ADAMTS3: variants seen among roughly 807,000 people sequenced by gnomAD.
The protein encoded by ADAMTS3 is ADAM metallopeptidase with thrombospondin type 1 motif 3.
In ADAMTS3, 73 loss-of-function variants were observed where a neutral mutation model predicts 129.0. That is an observed-to-expected ratio of 0.57 (90% CI 0.47 to 0.69). The LOEUF (loss-of-function observed/expected upper bound fraction) is 0.69, where lower values mean the gene tolerates loss of function less well. Among genes scored for constraint, ADAMTS3 ranks in the 30% least tolerant of loss-of-function variants. ADAMTS3 has a pLI of 0.00. For missense variants in ADAMTS3, 1,457 were observed against 1,514.5 expected (o/e 0.96, Z 0.63); for synonymous variants, 477 against 510.8 (o/e 0.93, Z 0.89).
At chr4:72,341,211 A>G (rs1214466962) in intron 4 of ADAMTS3, among the ~76,000 whole-genome samples, 1 of 152,178 alleles carries the variant, frequency 6.6e-6, no homozygotes, top group Non-Finnish European at 1.5e-5. Context: ...CCTTTAAAAA[A>G]TATATAGAAA....
intron 3 of ADAMTS3, among the ~76,000 whole-genome samples, chr4:72,481,168 T>C (rs1719425935): frequency 6.6e-6 from 1 of 152,084 alleles, no homozygotes; most frequent in Admixed American, 6.5e-5. Context: ...CTATCAAAAC[T>C]CAAGCAATAT....
At chr4:72,389,539 A>G (rs920130021) in intron 4 of ADAMTS3, among the ~76,000 whole-genome samples, 3 of 151,240 alleles carry the variant, frequency 2.0e-5, no homozygotes, top group Non-Finnish European at 2.9e-5. Context: ...CAAAAAAAAA[A>G]AATCATACAA....
intron 15 of ADAMTS3, among the ~76,000 whole-genome samples, chr4:72,306,698 A>G (rs72862314): frequency 0.067 from 10,226 of 151,958 alleles, 1,184 homozygotes; most frequent in African/African-American, 0.23. Context: ...ATTTTAAACC[A>G]CTTAGTTGGA....
intron 3 of ADAMTS3, among the ~76,000 whole-genome samples, chr4:72,444,016 T>A (rs891744771): frequency 1.3e-5 from 2 of 151,734 alleles, no homozygotes; most frequent in South Asian, 4.1e-4. Context: ...ATTGTTTTTA[T>A]CATCATATGC....
At chr4:72,562,444 C>T (rs1392011599) in intron 2 of ADAMTS3, among the ~76,000 whole-genome samples, 1 of 152,028 alleles carries the variant, frequency 6.6e-6, no homozygotes, top group African/African-American at 2.4e-5. Flanking sequence ...CATTCACTAT[C>T]ATGGGAAAAT....
At chr4:72,539,371 T>C (rs1273944257) in intron 3 of ADAMTS3, among the ~76,000 whole-genome samples, 3 of 147,992 alleles carry the variant, frequency 2.0e-5, no homozygotes, top group African/African-American at 7.5e-5. Flanking sequence ...CCAAAGAAAA[T>C]ATACAAGTGG....
At chr4:72,486,495 A>C (rs2110010956) in intron 3 of ADAMTS3, among the ~76,000 whole-genome samples, 1 of 152,314 alleles carries the variant, frequency 6.6e-6, no homozygotes, top group Admixed American at 6.5e-5. Context: ...CTAGCCCTCC[A>C]TCAGGCCTCT....
chr4:72,549,604 G>C (rs1262928718), intron 2 of ADAMTS3, among the ~76,000 whole-genome samples: 2 of 151,986 alleles, frequency 1.3e-5, no homozygotes, highest in East Asian at 1.9e-4. Flanking sequence ...TAGAAGAATG[G>C]GTAAAGAAGA....
chr4:72,358,156 C>G (rs112510943), intron 4 of ADAMTS3, among the ~76,000 whole-genome samples: 1 of 151,912 alleles, frequency 6.6e-6, no homozygotes, highest in Non-Finnish European at 1.5e-5. Flanking sequence ...GCCAAAGATG[C>G]CTATGAGATC....
intron 3 of ADAMTS3, among the ~76,000 whole-genome samples, chr4:72,509,846 C>T (rs1720266861): frequency 6.6e-6 from 1 of 151,224 alleles, no homozygotes; most frequent in Non-Finnish European, 1.5e-5. Context: ...CTGATGGATA[C>T]TGACACAAAA....
At chr4:72,295,153 T>C (rs888198285) in intron 19 of ADAMTS3, among the ~76,000 whole-genome samples, 1 of 152,038 alleles carries the variant, frequency 6.6e-6, no homozygotes, top group Non-Finnish European at 1.5e-5. Flanking sequence ...ACCATAATAA[T>C]CAATGCATGC....
intron 3 of ADAMTS3, among the ~76,000 whole-genome samples, chr4:72,544,676 C>A (rs1255607094): frequency 2.0e-5 from 3 of 152,088 alleles, no homozygotes; most frequent in Non-Finnish European, 4.4e-5. Context: ...CAGATGTGCT[C>A]AAGCAATATT....
intron 9 of ADAMTS3, 57 bp from the exon 10 acceptor site, chr4:72,318,761 T>C: frequency 6.5e-7 from 1 of 1,545,578 alleles, no homozygotes; most frequent in Non-Finnish European, 8.8e-7. Flanking sequence ...AATCATGTCC[T>C]GATTTAAAAA....
intron 3 of ADAMTS3, among the ~76,000 whole-genome samples, chr4:72,509,542 T>C (rs13104105): frequency 0.24 from 35,739 of 151,814 alleles, 4,788 homozygotes; most frequent in East Asian, 0.44. Context: ...CCTAGATACA[T>C]ACAACCTACC....
chr4:72,473,039 A>C (rs1719121464), intron 3 of ADAMTS3, among the ~76,000 whole-genome samples: 1 of 152,214 alleles, frequency 6.6e-6, no homozygotes, highest in Non-Finnish European at 1.5e-5. Flanking sequence ...AATTAAAAAT[A>C]AAAAATTAAT....
intron 4 of ADAMTS3, among the ~76,000 whole-genome samples, chr4:72,360,653 C>T (rs1720699008): frequency 1.3e-5 from 2 of 152,012 alleles, no homozygotes. Context: ...CGAAAAGGTA[C>T]TGCAACATAT....
intron 3 of ADAMTS3, among the ~76,000 whole-genome samples, chr4:72,421,951 T>C (rs2109934625): frequency 6.6e-6 from 1 of 152,308 alleles, no homozygotes; most frequent in Admixed American, 6.5e-5. Flanking sequence ...AGAATGCCCA[T>C]TTAGGTAGTC....
At chr4:72,323,367 G>A (rs116618193) in intron 5 of ADAMTS3, among the ~76,000 whole-genome samples, 1 of 152,184 alleles carries the variant, frequency 6.6e-6, no homozygotes, top group African/African-American at 2.4e-5. Context: ...GTGTTAGAAG[G>A]AGTCTATGTG....
intron 20 of ADAMTS3, 55 bp from the exon 21 acceptor site, chr4:72,288,923 T>TATACACAC (rs1718585087): frequency 2.2e-6 from 1 of 451,176 alleles, no homozygotes; most frequent in South Asian, 2.6e-5. Context: ...ACCATGCACA[T>TATACACAC]ACACACACAC....
Sources: gnomAD v4.1 joint callset for allele counts (sites outside exome capture counted in the v4.1 genomes callset) on GRCh38, gnomAD v4.1.1 for gene constraint, MANE v1.5 for transcripts, NCBI Gene and HGNC (gene_info 2026-07-23, HGNC 2026-07-21) for gene names.